The following XRCC4 variants were observed in gnomAD, a reference collection of about 807,000 sequenced individuals.
XRCC4 encodes DNA repair protein XRCC4.
Under a neutral mutation model 39.1 loss-of-function variants are expected in XRCC4, and 28 were observed. That is an observed-to-expected ratio of 0.72 (90% confidence interval 0.53 to 0.98). The LOEUF (loss-of-function observed/expected upper bound fraction) is 0.98, where lower values mean the gene tolerates loss of function less well. Among genes scored for constraint, XRCC4 ranks in the 50% least tolerant of loss-of-function variants. The probability of loss-of-function intolerance (pLI) is 0.00; values close to 1 mark genes in which losing one functional copy is unlikely to be tolerated. For synonymous variants in XRCC4, 123 were observed against 126.4 expected, an observed-to-expected ratio of 0.97 and a Z score of 0.18; for missense variants, 350 against 376.4, an observed-to-expected ratio of 0.93 and a Z score of 0.58.
chr5:83,343,200 A>G (rs1193802725), intron 7 of XRCC4, among the ~76,000 whole-genome samples: 3 of 151,920 alleles, frequency 2.0e-5, no homozygotes, highest in Non-Finnish European at 4.4e-5. Context: ...CCTCGTCGTC[A>G]TCGGTGATGA....
At chr5:83,299,488 G>A (rs1382662650) in intron 7 of XRCC4, among the ~76,000 whole-genome samples, 1 of 152,010 alleles carries the variant, frequency 6.6e-6, no homozygotes, top group Non-Finnish European at 1.5e-5. Flanking sequence ...TAGCCCTTCT[G>A]CCTCATTCTC....
intron 7 of XRCC4, among the ~76,000 whole-genome samples, chr5:83,313,402 G>A (rs748559144): frequency 2.0e-5 from 3 of 151,956 alleles, no homozygotes; most frequent in Non-Finnish European, 2.9e-5. Flanking sequence ...AAAAAATCTC[G>A]TTGTATAGAC....
chr5:83,362,316 A>AC, the XRCC4 span, among the ~76,000 whole-genome samples: 5 of 145,954 alleles, frequency 3.4e-5, no homozygotes, highest in African/African-American at 1.4e-4. Context: ...AAAAAAAAAA[A>AC]AACTATCTCA....
At chr5:83,160,736 A>G (rs994820100) in intron 3 of XRCC4, among the ~76,000 whole-genome samples, 11 of 151,980 alleles carry the variant, frequency 7.2e-5, no homozygotes, top group Non-Finnish European at 1.3e-4. Context: ...ATGTATTTCT[A>G]TGATGTATCT....
chr5:83,372,940 G>A, the XRCC4 span, among the ~76,000 whole-genome samples: 1 of 152,168 alleles, frequency 6.6e-6, no homozygotes, highest in Non-Finnish European at 1.5e-5. Context: ...TCTGCAGACT[G>A]CTTGAGTGCT....
intron 3 of XRCC4, among the ~76,000 whole-genome samples, chr5:83,152,421 C>T (rs973713360): frequency 1.3e-5 from 2 of 152,064 alleles, no homozygotes; most frequent in African/African-American, 4.8e-5. Context: ...ATCACGAGGT[C>T]AGGGATTCGA....
At chr5:83,228,585 A>G (rs1050852476) in intron 6 of XRCC4, among the ~76,000 whole-genome samples, 1 of 152,084 alleles carries the variant, frequency 6.6e-6, no homozygotes, top group Non-Finnish European at 1.5e-5. Context: ...TTCATTTACA[A>G]TGGTCACCCA....
intron 6 of XRCC4, among the ~76,000 whole-genome samples, chr5:83,220,701 T>A (rs916428877): frequency 3.9e-5 from 6 of 152,200 alleles, no homozygotes; most frequent in African/African-American, 1.4e-4. Flanking sequence ...TCAGGAATGC[T>A]GAGAAATAGT....
At chr5:83,211,843 TAAAC>T (rs1463263557) in intron 6 of XRCC4, among the ~76,000 whole-genome samples, 3 of 152,124 alleles carry the variant, frequency 2.0e-5, no homozygotes, top group African/African-American at 4.8e-5. Flanking sequence ...GGTAAGTTAA[TAAAC>T]AAACAAAAAG....
intron 6 of XRCC4, among the ~76,000 whole-genome samples, chr5:83,247,428 C>A (rs1414576934): frequency 6.6e-6 from 1 of 152,166 alleles, no homozygotes; most frequent in East Asian, 1.9e-4. Context: ...AATCATCCCC[C>A]CAACCTCACC....
intron 6 of XRCC4, among the ~76,000 whole-genome samples, chr5:83,216,533 GTAA>G (rs1178724806): frequency 6.6e-6 from 1 of 152,114 alleles, no homozygotes; most frequent in African/African-American, 2.4e-5. Flanking sequence ...CAGAGCATTA[GTAA>G]TAATAACTCC....
intron 3 of XRCC4, among the ~76,000 whole-genome samples, chr5:83,132,931 G>A (rs1747676645): frequency 1.3e-5 from 2 of 152,052 alleles, no homozygotes; most frequent in South Asian, 2.1e-4. Context: ...CTTTGCTGAC[G>A]AGGAGCTGCA....
rs72274529 is a variant in XRCC4, at chr5:83,262,838, C to CTT, written c.893+4180_893+4181dup. ...TAGGACTACACAATCTTATCACAGT[C>CTT]TTTTTTTTTTTTTTTTTTTTATACT... On this transcript the variant is annotated intron_variant, in intron 7 of 7. Coordinates refer to ENST00000396027, the MANE Select transcript of XRCC4 (RefSeq NM_003401.5). 9.6e-3 allele frequency among the ~76,000 whole-genome samples: 1,147 copies of CTT among 119,398 alleles called. 16 individuals are homozygous for CTT. Among genetic ancestry groups the CTT allele is most frequent in the Non-Finnish European group, 0.013 (798 of 59,818 alleles). The allele number at this position is 119,398 out of a possible 152,430, so 78.3% of individuals were successfully genotyped here.
At chr5:83,129,651 T>A (rs1383809870) in intron 3 of XRCC4, among the ~76,000 whole-genome samples, 1 of 152,126 alleles carries the variant, frequency 6.6e-6, no homozygotes, top group Non-Finnish European at 1.5e-5. Context: ...TTTTATTTCA[T>A]TGAGCGTGGT....
intron 7 of XRCC4, among the ~76,000 whole-genome samples, chr5:83,274,917 A>G (rs549249236): frequency 2.6e-5 from 4 of 152,308 alleles, no homozygotes; most frequent in African/African-American, 7.2e-5. Context: ...AAAGATTGCT[A>G]TTATAAGTAT....
At chr5:83,094,683 T>C (rs1276127202) in intron 1 of XRCC4, among the ~76,000 whole-genome samples, 3 of 151,844 alleles carry the variant, frequency 2.0e-5, no homozygotes, top group African/African-American at 7.2e-5. Context: ...GTTAACTTTT[T>C]TTTTTTCCCA....
At chr5:83,347,595 C>T (rs1030246851) in intron 7 of XRCC4, among the ~76,000 whole-genome samples, 1 of 152,166 alleles carries the variant, frequency 6.6e-6, no homozygotes, top group Non-Finnish European at 1.5e-5. Flanking sequence ...TCACTTCCCA[C>T]CAGGCCACTC....
chr5:83,168,460 A>G (rs1749583427), intron 3 of XRCC4, among the ~76,000 whole-genome samples: 1 of 152,188 alleles, frequency 6.6e-6, no homozygotes, highest in Non-Finnish European at 1.5e-5. Flanking sequence ...TCAAAAACCA[A>G]TATATTAAGC....
intron 3 of XRCC4, among the ~76,000 whole-genome samples, chr5:83,127,471 T>C (rs1747326393): frequency 2.0e-5 from 3 of 152,168 alleles, no homozygotes; most frequent in Admixed American, 2.0e-4. Context: ...CCTGCCGCCA[T>C]GTAAGATGTG....
Sources: gnomAD v4.1 joint callset for allele counts (sites outside exome capture counted in the v4.1 genomes callset) on GRCh38, gnomAD v4.1.1 for gene constraint, MANE v1.5 for transcripts, NCBI Gene and HGNC (gene_info 2026-07-23, HGNC 2026-07-21) for gene names.